The following COL23A1 variants were observed in gnomAD, a reference collection of about 807,000 sequenced individuals.
The protein encoded by COL23A1 is collagen alpha-1(XXIII) chain.
In COL23A1, 97 loss-of-function variants were observed where a neutral mutation model predicts 99.3. That is an observed-to-expected ratio of 0.98 (90% CI 0.83 to 1.16). The LOEUF (loss-of-function observed/expected upper bound fraction) is 1.16. Among genes scored for constraint, COL23A1 ranks in the 50% most tolerant of loss-of-function variants. The pLI is 0.00. For synonymous variants in COL23A1, 320 were observed against 308.2 expected, an observed-to-expected ratio of 1.04 and a Z score of -0.40; for missense variants, 762 against 757.4, an observed-to-expected ratio of 1.01 and a Z score of -0.07.
At chr5:178,429,151 C>T (rs1766115062) in intron 2 of COL23A1, among the ~76,000 whole-genome samples, 1 of 152,190 alleles carries the variant, frequency 6.6e-6, no homozygotes, top group African/African-American at 2.4e-5. Context: ...CTCCTCACAG[C>T]CTGGGGAGGT....
intron 2 of COL23A1, among the ~76,000 whole-genome samples, chr5:178,484,835 A>G (rs2127958083): frequency 6.6e-6 from 1 of 151,546 alleles, no homozygotes; most frequent in Middle Eastern, 3.4e-3. Context: ...AAAAAAAAAA[A>G]AAAAAAAAGA....
intron 2 of COL23A1, among the ~76,000 whole-genome samples, chr5:178,557,006 AG>A (rs1762311953): frequency 6.6e-6 from 1 of 152,228 alleles, no homozygotes; most frequent in Non-Finnish European, 1.5e-5. Context: ...AATAAGACAC[AG>A]GTCTGCCGTG....
At chr5:178,405,167 G>A (rs553323051) in intron 2 of COL23A1, among the ~76,000 whole-genome samples, 13 of 152,366 alleles carry the variant, frequency 8.5e-5, no homozygotes, top group East Asian at 3.9e-4. Flanking sequence ...TGCCCGCAGC[G>A]TGTCTGGTTC....
chr5:178,326,299 C>T (rs1178277238), intron 2 of COL23A1, among the ~76,000 whole-genome samples: 3 of 152,110 alleles, frequency 2.0e-5, no homozygotes, highest in Admixed American at 6.5e-5. Flanking sequence ...TATTTCTGAA[C>T]GTCCCTAAAC....
intron 2 of COL23A1, among the ~76,000 whole-genome samples, chr5:178,470,637 C>T (rs138011014): frequency 7.5e-4 from 114 of 152,326 alleles, no homozygotes; most frequent in African/African-American, 2.6e-3. Context: ...GGGTCAAAGA[C>T]GAGGCCATGG....
At chr5:178,572,072 C>CAAAAA (rs57863132) in intron 1 of COL23A1, among the ~76,000 whole-genome samples, 5 of 109,486 alleles carry the variant, frequency 4.6e-5, no homozygotes, top group Non-Finnish European at 3.6e-5. Context: ...TTTCTCAAAA[C>CAAAAA]AAAAAAAAAA....
chr5:178,299,545 G>C (rs6869104), intron 3 of COL23A1, among the ~76,000 whole-genome samples: 3,935 of 151,960 alleles, frequency 0.026, 162 homozygotes, highest in African/African-American at 0.091. Flanking sequence ...TGTTTTTCTT[G>C]GTCAGTCTAG....
At chr5:178,318,744 T>A (rs961086672) in intron 2 of COL23A1, among the ~76,000 whole-genome samples, 22 of 151,530 alleles carry the variant, frequency 1.5e-4, no homozygotes, top group Non-Finnish European at 2.9e-5. Flanking sequence ...CTAATGAAAA[T>A]ACAAAAAATT....
rs201451678 is a variant in COL23A1 at position 178,450,737 on chromosome 5, G to A, written c.361+109945C>T. On this transcript the variant is annotated intron_variant, in intron 2 of 28. Transcript: ENST00000390654. ...ACTCGTGCCATGCAGTAGACTAGGTGCTCTCTCCATGTATTATCTCACTTA... is the reference window on the plus strand; with the variant it reads ...ACTCGTGCCATGCAGTAGACTAGGTACTCTCTCCATGTATTATCTCACTTA... 9.9e-5 allele frequency among the ~76,000 whole-genome samples: 15 copies of A among 152,270 alleles called. No homozygotes were observed. In the East Asian group the frequency reaches 2.9e-3, roughly 29 times the overall value.
At chr5:178,359,316 G>A (rs554816598) in intron 2 of COL23A1, among the ~76,000 whole-genome samples, 100 of 152,332 alleles carry the variant, frequency 6.6e-4, no homozygotes, top group Non-Finnish European at 1.2e-3. Context: ...TTGAGATCAG[G>A]AGTTTGAGAC....
In COL23A1 at chr5:178,452,010, T is replaced by A. The variant is rs972358904; in HGVS notation, c.361+108672A>T. 2.0e-5 allele frequency among the ~76,000 whole-genome samples: 3 copies of A among 152,272 alleles called. No homozygotes were observed. In the East Asian group the frequency reaches 5.8e-4, roughly 29 times the overall value. On this transcript the variant is annotated intron_variant, in intron 2 of 28. Coordinates refer to ENST00000390654, the MANE Select transcript of COL23A1 (RefSeq NM_173465.4). ...ATTAAGTTTGTGGGCAAACTTATTCTAAAGTTCATATGGAAAGCTAAAAAT... is the reference window on the plus strand; with the variant it reads ...ATTAAGTTTGTGGGCAAACTTATTCAAAAGTTCATATGGAAAGCTAAAAAT...
chr5:178,464,711 T>G (rs963447988), intron 2 of COL23A1, among the ~76,000 whole-genome samples: 12 of 152,334 alleles, frequency 7.9e-5, no homozygotes, highest in Admixed American at 5.9e-4. Flanking sequence ...CACCTAAATT[T>G]TTAAATGGTT....
chr5:178,562,007 C>T (rs1562092396), intron 1 of COL23A1: 3 of 497,998 alleles, frequency 6.0e-6, no homozygotes, highest in Middle Eastern at 3.0e-4. Flanking sequence ...GAAGCAGATC[C>T]TAAAACAGAA....
intron 2 of COL23A1, among the ~76,000 whole-genome samples, chr5:178,350,356 G>A (rs988466023): frequency 1.8e-4 from 27 of 152,184 alleles, no homozygotes; most frequent in Non-Finnish European, 3.8e-4. Context: ...AGCCAGCACA[G>A]TGCCTGGTAC....
intron 2 of COL23A1, among the ~76,000 whole-genome samples, chr5:178,523,207 G>T (rs1270742617): frequency 3.5e-3 from 337 of 97,086 alleles, no homozygotes; most frequent in Middle Eastern, 0.01. Context: ...TATATAGAGA[G>T]AGAGAGAGAG....
At chr5:178,271,381 G>A (rs1000760271) in intron 5 of COL23A1, among the ~76,000 whole-genome samples, 4 of 152,102 alleles carry the variant, frequency 2.6e-5, no homozygotes, top group South Asian at 2.1e-4. Context: ...TCCACCTGCC[G>A]GGCACATCCT....
rs530052189 is a variant in COL23A1, at chr5:178,450,716, G to A, written c.361+109966C>T. ...CCAGCTTTTGTTGAATATCAAACTC[G>A]TGCCATGCAGTAGACTAGGTGCTCT... is the stretch of plus-strand genomic sequence containing the variant. On this transcript the variant is annotated intron_variant, in intron 2 of 28. Transcript: ENST00000390654. Among the ~76,000 whole-genome samples the A allele has an allele frequency of 2.6e-5, 4 of 152,270 alleles. No individual in the cohort carries two copies. In the South Asian group the frequency reaches 8.3e-4, roughly 32 times the overall value.
At chr5:178,537,704 A>T (rs915532115) in intron 2 of COL23A1, among the ~76,000 whole-genome samples, 1 of 152,198 alleles carries the variant, frequency 6.6e-6, no homozygotes, top group Non-Finnish European at 1.5e-5. Flanking sequence ...CTTTACTGAA[A>T]CTGTGTGTGC....
intron 17 of COL23A1, among the ~76,000 whole-genome samples, chr5:178,251,990 T>G (rs976493369): frequency 2.0e-5 from 3 of 151,760 alleles, no homozygotes; most frequent in Admixed American, 6.6e-5. Context: ...CTTGGCTCAT[T>G]GCGACCTCTG....
Sources: gnomAD v4.1 joint callset for allele counts (sites outside exome capture counted in the v4.1 genomes callset) on GRCh38, gnomAD v4.1.1 for gene constraint, MANE v1.5 for transcripts, NCBI Gene and HGNC (gene_info 2026-07-23, HGNC 2026-07-21) for gene names.